The following GABRG3 variants were observed in gnomAD, a reference collection of about 807,000 sequenced individuals.
GABRG3 encodes gamma-aminobutyric acid type A receptor subunit gamma3.
A neutral mutation model predicts 48.8 loss-of-function variants in GABRG3; 25 were observed. The ratio of observed to expected loss-of-function variants is 0.51; its 90% confidence interval spans 0.37 to 0.72. The LOEUF (loss-of-function observed/expected upper bound fraction) is 0.72. Ranked by LOEUF, GABRG3 falls within the 30% of genes least tolerant of loss-of-function variation. GABRG3 has a pLI of 0.00. For synonymous variants in GABRG3, 227 were observed against 217.6 expected (o/e 1.04, Z -0.38); for missense variants, 394 against 577.9 (o/e 0.68, Z 3.26).
chr15:27,278,115 G>T (rs1891314915), intron 3 of GABRG3, among the ~76,000 whole-genome samples: 1 of 151,358 alleles, frequency 6.6e-6, no homozygotes, highest in Non-Finnish European at 1.5e-5. Context: ...AAAGTGGCAT[G>T]ATCTCCACTC....
intron 3 of GABRG3, among the ~76,000 whole-genome samples, chr15:27,206,472 G>A (rs1888855417): frequency 6.6e-6 from 1 of 152,130 alleles, no homozygotes; most frequent in South Asian, 2.1e-4. Context: ...TATGGGCTTA[G>A]CATATGGTAA....
chr15:27,243,023 G>A (rs1890172323), intron 3 of GABRG3, among the ~76,000 whole-genome samples: 1 of 152,156 alleles, frequency 6.6e-6, no homozygotes, highest in African/African-American at 2.4e-5. Flanking sequence ...TAAATCCAAG[G>A]TGGGGTGTAT....
At chr15:27,504,188 G>A (rs111634668) in intron 6 of GABRG3, among the ~76,000 whole-genome samples, 6 of 152,018 alleles carry the variant, frequency 3.9e-5, no homozygotes, top group African/African-American at 1.4e-4. Flanking sequence ...GACACTTTTG[G>A]TTTTAATCTG....
At chr15:27,052,953 C>G (rs1013270278) in intron 3 of GABRG3, among the ~76,000 whole-genome samples, 2 of 152,176 alleles carry the variant, frequency 1.3e-5, no homozygotes, top group African/African-American at 4.8e-5. Context: ...GGAAAACAGG[C>G]TAGCCACATG....
chr15:27,341,924 T>C (rs1894194366), intron 5 of GABRG3, among the ~76,000 whole-genome samples: 1 of 152,230 alleles, frequency 6.6e-6, no homozygotes, highest in Admixed American at 6.5e-5. Context: ...AGAGAAATTA[T>C]TAGGAAAATG....
At chr15:27,355,946 C>T (rs183747371) in intron 5 of GABRG3, among the ~76,000 whole-genome samples, 76 of 151,930 alleles carry the variant, frequency 5.0e-4, no homozygotes, top group African/African-American at 1.7e-3. Flanking sequence ...TAGTGAATGC[C>T]GGGGGTTGGG....
At chr15:27,339,237 G>A (rs560140821) in intron 5 of GABRG3, among the ~76,000 whole-genome samples, 5 of 152,336 alleles carry the variant, frequency 3.3e-5, no homozygotes, top group South Asian at 4.1e-4. Context: ...AGGTGAGGGC[G>A]GAGCCTACCA....
chr15:27,220,264 A>G (rs1342214871), intron 3 of GABRG3, among the ~76,000 whole-genome samples: 1 of 152,216 alleles, frequency 6.6e-6, no homozygotes, highest in East Asian at 1.9e-4. Context: ...GGTCATAGAT[A>G]GATTGAGATT....
intron 9 of GABRG3, among the ~76,000 whole-genome samples, chr15:27,529,449 G>GC (rs11367676): frequency 0.012 from 1,891 of 151,904 alleles, 54 homozygotes; most frequent in African/African-American, 0.044. Context: ...AATGTTTCAA[G>GC]CCCCCCCATA....
chr15:27,281,331 G>T (rs906910073), intron 3 of GABRG3, among the ~76,000 whole-genome samples: 15 of 151,584 alleles, frequency 9.9e-5, no homozygotes, highest in Admixed American at 5.2e-4. Context: ...TTTATCACTT[G>T]TTTTTTTCTT....
At chr15:27,437,731 G>A (rs965397632) in intron 5 of GABRG3, among the ~76,000 whole-genome samples, 2 of 152,190 alleles carry the variant, frequency 1.3e-5, no homozygotes, top group African/African-American at 4.8e-5. Flanking sequence ...AATACCTAAG[G>A]CTGGGTGATT....
intron 7 of GABRG3, among the ~76,000 whole-genome samples, chr15:27,521,829 A>G (rs571997372): frequency 1.3e-5 from 2 of 152,152 alleles, no homozygotes; most frequent in Admixed American, 1.3e-4. Context: ...AAAGGAATAA[A>G]AGATTAAAAA....
chr15:27,410,396 C>A (rs1033742919), intron 5 of GABRG3, among the ~76,000 whole-genome samples: 3 of 151,890 alleles, frequency 2.0e-5, no homozygotes, highest in African/African-American at 7.3e-5. Context: ...TGATATTGAC[C>A]TTATAAAATA....
intron 5 of GABRG3, 24 bp downstream of exon 5, chr15:27,328,912 G>A (rs758641011): frequency 6.3e-7 from 1 of 1,599,076 alleles, no homozygotes; most frequent in Non-Finnish European, 8.6e-7. Flanking sequence ...CAAGCCCGGG[G>A]TGTGCATGCT....
intron 5 of GABRG3, among the ~76,000 whole-genome samples, chr15:27,438,131 T>C (rs976764112): frequency 2.6e-5 from 4 of 152,150 alleles, no homozygotes; most frequent in Non-Finnish European, 5.9e-5. Flanking sequence ...CAAGATGGGC[T>C]GCTGAAGGAG....
At chr15:27,141,813 G>GT (rs1898108480) in intron 3 of GABRG3, among the ~76,000 whole-genome samples, 1 of 152,218 alleles carries the variant, frequency 6.6e-6, no homozygotes, top group Non-Finnish European at 1.5e-5. Context: ...GAATTAGTCT[G>GT]TTTTTCTCTT....
intron 3 of GABRG3, among the ~76,000 whole-genome samples, chr15:27,197,538 G>A (rs1026539664): frequency 9.2e-5 from 14 of 151,834 alleles, no homozygotes; most frequent in Admixed American, 7.9e-4. Flanking sequence ...TGGAGGCAGC[G>A]GCCTTCAGGG....
At chr15:27,498,314 G>A (rs1277472496) in intron 6 of GABRG3, among the ~76,000 whole-genome samples, 2 of 152,008 alleles carry the variant, frequency 1.3e-5, no homozygotes, top group African/African-American at 2.4e-5. Flanking sequence ...CTCGGGAGAA[G>A]GCTGGGAACT....
At chr15:27,341,940 G>A (rs1028951944) in intron 5 of GABRG3, among the ~76,000 whole-genome samples, 7 of 152,218 alleles carry the variant, frequency 4.6e-5, no homozygotes, top group Non-Finnish European at 7.3e-5. Flanking sequence ...AAATGTCACT[G>A]CTGTTGCAGA....
Sources: allele counts gnomAD v4.1 joint callset (sites outside exome capture counted in the v4.1 genomes callset), GRCh38; gene constraint gnomAD v4.1.1; transcripts MANE v1.5; gene names NCBI Gene and HGNC (gene_info 2026-07-23, HGNC 2026-07-21).